The following DYNC2H1 variants were observed in gnomAD, a reference collection of about 807,000 sequenced individuals.
The protein encoded by DYNC2H1 is dynein cytoplasmic 2 heavy chain 1.
DYNC2H1 carries 410 observed loss-of-function variants against 570.0 expected under a neutral mutation model. The ratio of observed to expected loss-of-function variants is 0.72; its 90% confidence interval spans 0.66 to 0.78. DYNC2H1 has a LOEUF of 0.78. DYNC2H1 is among the 30% of genes least tolerant of loss of function. The probability of loss-of-function intolerance (pLI) is 0.00; values close to 1 mark genes in which losing one functional copy is unlikely to be tolerated. For synonymous variants in DYNC2H1, 1,688 were observed against 1,677.6 expected, an observed-to-expected ratio of 1.01 and a Z score of -0.15; for missense variants, 4,865 against 5,046.4, an observed-to-expected ratio of 0.96 and a Z score of 1.09.
chr11:103,120,846 A>AAT (rs1015494874), intron 8 of DYNC2H1, 44 bp downstream of exon 8: 62 of 1,192,642 alleles, frequency 5.2e-5, no homozygotes, highest in Non-Finnish European at 6.3e-5. Flanking sequence ...CTCTTAAGCT[A>AAT]ATATATATAT....
chr11:103,410,635 C>T (rs751277457), intron 84 of DYNC2H1, among the ~76,000 whole-genome samples: 14 of 152,080 alleles, frequency 9.2e-5, no homozygotes, highest in Non-Finnish European at 1.8e-4. Flanking sequence ...GGGTATCTAA[C>T]CCCAGTTTGG....
chr11:103,397,097 C>G (rs1038186693), intron 83 of DYNC2H1, among the ~76,000 whole-genome samples: 1 of 152,130 alleles, frequency 6.6e-6, no homozygotes, highest in African/African-American at 2.4e-5. Context: ...GAAACCTGCA[C>G]TTGTGTCTAA....
chr11:103,321,393 T>A (rs769545817), intron 81 of DYNC2H1, among the ~76,000 whole-genome samples, 156 bp downstream of exon 81: 2 of 152,180 alleles, frequency 1.3e-5, no homozygotes, highest in Non-Finnish European at 2.9e-5. Flanking sequence ...TCTTTCAACT[T>A]TAGTGAGGCA....
chr11:103,423,766 A>T (rs1162190120), intron 84 of DYNC2H1, among the ~76,000 whole-genome samples: 2 of 152,042 alleles, frequency 1.3e-5, no homozygotes, highest in African/African-American at 4.8e-5. Context: ...GCAAAAAAAA[A>T]TTGTATAGAT....
At chr11:103,379,735 T>C (rs1301377493) in intron 83 of DYNC2H1, among the ~76,000 whole-genome samples, 2 of 152,210 alleles carry the variant, frequency 1.3e-5, no homozygotes, top group African/African-American at 4.8e-5. Context: ...ACAGATTCTG[T>C]GAGGACTTTC....
rs1219133805 is a variant in DYNC2H1 at position 103,460,526 on chromosome 11, ATAT to A, written c.12648+4173_12648+4175del. 2.0e-5 allele frequency among the ~76,000 whole-genome samples: 3 copies of A among 151,624 alleles called. No homozygotes were observed. In the East Asian group the frequency reaches 5.8e-4, roughly 29 times the overall value. On this transcript the variant is annotated intron_variant, in intron 87 of 88. Transcript: ENST00000375735. ...GCACTGACAGTAAAATAAGATTATA[ATAT>A]TAGTATCTGAAAAAGAGCTATGTGA...
In DYNC2H1 at chr11:103,264,014, A is replaced by T. The variant is rs951260907; in HGVS notation, c.10695+4037A>T. ...TCAAATAGATGCAATAAAAAATGAT[A>T]AAGGGGATATCACCACCGATCCCAC... On this transcript the variant is annotated intron_variant, in intron 70 of 88. Transcript: ENST00000375735. This position sits in a 1 kb window ranked among gnomAD's most constrained non-coding sequence, Gnocchi z 4.8. 3.9e-5 allele frequency among the ~76,000 whole-genome samples: 6 copies of T among 152,198 alleles called. No homozygotes were observed. The highest frequency in any genetic ancestry group is 1.3e-4 in the Admixed American group (2 of 15,280).
intron 37 of DYNC2H1, among the ~76,000 whole-genome samples, chr11:103,176,920 G>A (rs1861843641): frequency 6.6e-6 from 1 of 151,992 alleles, no homozygotes; most frequent in African/African-American, 2.4e-5. Flanking sequence ...TGGCCAGGCT[G>A]GTCTCGAACT....
chr11:103,329,739 A>T (rs1938681619), intron 82 of DYNC2H1, among the ~76,000 whole-genome samples: 1 of 151,908 alleles, frequency 6.6e-6, no homozygotes, highest in Non-Finnish European at 1.5e-5. Context: ...CTGTTTGCTG[A>T]TGGTACCCTT....
rs767187123 is a variant in DYNC2H1 at position 103,399,793 on chromosome 11, C to A, written c.12287C>A (p.Ala4096Asp). ...CAAAGTGTCCACCAGTCTCTTGCTG[C>A]TCTCAGCAAAGTCATCAGAGGAACT... ...LVQSVHQSLA[A>D]LSKVIRGTTL... The change falls in exon 84 of 89, where the codon GCT becomes GAT. Residue 4096 changes from alanine (A) to aspartate (D), a missense_variant. By Grantham distance (126) the Ala-to-Asp change is moderately radical (BLOSUM62 -2). Coordinates refer to ENST00000375735, the MANE Select transcript of DYNC2H1 (RefSeq NM_001377.3). 6.2e-7 allele frequency: 1 copy of A among 1,613,946 alleles called. No individual in the cohort carries two copies. The highest frequency in any genetic ancestry group is 8.5e-7 in the Non-Finnish European group (1 of 1,179,860).
intron 84 of DYNC2H1, among the ~76,000 whole-genome samples, chr11:103,416,458 CAG>C (rs1943286832): frequency 1.3e-5 from 2 of 152,110 alleles, no homozygotes; most frequent in South Asian, 4.1e-4. Flanking sequence ...GTAACCAAAA[CAG>C]ATTATAGACC....
intron 22 of DYNC2H1, 119 bp from the exon 23 acceptor site, chr11:103,154,332 A>G: frequency 1.3e-6 from 1 of 756,252 alleles, no homozygotes; most frequent in Non-Finnish European, 1.9e-6. Flanking sequence ...ATATCTATTA[A>G]ACATACACAA....
chr11:103,245,286 A>G lies in DYNC2H1; in HGVS notation c.9954A>G (p.Val3318=). 6.4e-7 allele frequency: 1 copy of G among 1,551,986 alleles called. No individual in the cohort carries two copies. Among genetic ancestry groups the G allele is most frequent in the Non-Finnish European group, 8.7e-7 (1 of 1,146,576 alleles). The change falls in exon 65 of 89, where the codon GTA becomes GTG. Residue 3318 remains valine (V), a synonymous_variant. Coordinates refer to ENST00000375735, the MANE Select transcript of DYNC2H1 (RefSeq NM_001377.3). The surrounding 1 kb of genome is among the most constrained non-coding windows in gnomAD (Gnocchi z 4.5). ...TTATCACAGCTCTTGAATTAGCAGT[A>G]CGTTTTGGGAAAACCCTTATTATAC... ...SNFITALELA[V]RFGKTLIIQE...
At chr11:103,449,665 ATT>A (rs1944533230) in intron 85 of DYNC2H1, among the ~76,000 whole-genome samples, 1 of 89,500 alleles carries the variant, frequency 1.1e-5, no homozygotes, top group African/African-American at 7.6e-5. Flanking sequence ...GAAATTATTC[ATT>A]TTCATTATTA....
At chr11:103,143,767 C>T (rs1382047479) in intron 18 of DYNC2H1, among the ~76,000 whole-genome samples, 1 of 152,118 alleles carries the variant, frequency 6.6e-6, no homozygotes, top group Non-Finnish European at 1.5e-5. Flanking sequence ...TGCTCTGCTT[C>T]CTTTCAAGAT....
At chr11:103,294,460 A>C (rs1866740040) in intron 75 of DYNC2H1, among the ~76,000 whole-genome samples, 1 of 152,060 alleles carries the variant, frequency 6.6e-6, no homozygotes, top group Non-Finnish European at 1.5e-5. Context: ...GAACTCTATG[A>C]CTCTTGCAGA....
chr11:103,344,050 A>C (rs1482388594), intron 82 of DYNC2H1, among the ~76,000 whole-genome samples: 1 of 152,212 alleles, frequency 6.6e-6, no homozygotes, highest in Non-Finnish European at 1.5e-5. Context: ...GAATCTCTAG[A>C]GCAATTTGAG....
intron 17 of DYNC2H1, among the ~76,000 whole-genome samples, chr11:103,142,739 G>GA (rs1860020508): frequency 6.6e-6 from 1 of 152,136 alleles, no homozygotes; most frequent in Non-Finnish European, 1.5e-5. Context: ...TTCTTCTTCT[G>GA]AAGCCCTCAA....
chr11:103,208,437 GTACAAGAGGGCAC>G (rs1156614613), intron 52 of DYNC2H1, among the ~76,000 whole-genome samples: 1 of 152,118 alleles, frequency 6.6e-6, no homozygotes, highest in Non-Finnish European at 1.5e-5. Context: ...TAGTGATGAA[GTACAAGAGGGCAC>G]TGCCTTGAAC....
Sources: allele counts gnomAD v4.1 joint callset (sites outside exome capture counted in the v4.1 genomes callset), GRCh38; gene constraint gnomAD v4.1.1; non-coding constraint Gnocchi (gnomAD v3.1); transcripts MANE v1.5; gene names NCBI Gene and HGNC (gene_info 2026-07-23, HGNC 2026-07-21).